Variants in MYO3B observed in about 807,000 individuals in gnomAD.
MYO3B encodes the protein myosin-IIIb.
A neutral mutation model predicts 174.6 loss-of-function variants in MYO3B; 156 were observed. The observed-to-expected ratio is 0.89, with a 90% CI of 0.78 to 1.02. The LOEUF is 1.02. MYO3B is among the 50% of genes least tolerant of loss of function. MYO3B has a pLI of 0.00. For missense variants in MYO3B, 1,632 were observed against 1,639.4 expected (o/e 1.00, Z 0.08); for synonymous variants, 563 against 569.1 (o/e 0.99, Z 0.15).
intron 8 of MYO3B, among the ~76,000 whole-genome samples, chr2:170,357,150 T>C (rs2094128059): frequency 6.6e-6 from 1 of 151,696 alleles, no homozygotes; most frequent in South Asian, 2.1e-4. Context: ...CTACTAAAAA[T>C]ACAAAAATTA....
chr2:170,371,195 G>T, intron 9 of MYO3B, among the ~76,000 whole-genome samples: 1 of 146,682 alleles, frequency 6.8e-6, no homozygotes, highest in African/African-American at 2.5e-5. Flanking sequence ...TCCAGCCTGG[G>T]CGACAGAGCA....
At chr2:170,396,605 G>A (rs1284732234) in intron 16 of MYO3B, among the ~76,000 whole-genome samples, 2 of 152,184 alleles carry the variant, frequency 1.3e-5, no homozygotes, top group Non-Finnish European at 2.9e-5. Flanking sequence ...CACAGTGTTT[G>A]AACCTAAAAG....
chr2:170,414,813 G>A (rs1385675022), intron 22 of MYO3B, among the ~76,000 whole-genome samples: 1 of 152,138 alleles, frequency 6.6e-6, no homozygotes, highest in Non-Finnish European at 1.5e-5. Context: ...GATGTATAAT[G>A]AAGTATTTCA....
chr2:170,282,818 G>C (rs1316420885), intron 7 of MYO3B, among the ~76,000 whole-genome samples: 5 of 152,164 alleles, frequency 3.3e-5, no homozygotes, highest in African/African-American at 1.2e-4. Context: ...CAAACACAGA[G>C]CTGTTGAGGG....
chr2:170,483,536 G>A lies in MYO3B; in HGVS notation c.3015-15056G>A, dbSNP rs1320916587. 2.3e-5 allele frequency among the ~76,000 whole-genome samples: 3 copies of A among 132,702 alleles called. 1 individual carries two copies. The highest frequency in any genetic ancestry group is 7.8e-5 in the African/African-American group (2 of 25,676). 87.1% of individuals were successfully genotyped at this position (132,702 alleles called of 152,430 possible). ...CGAATAGCTGGGACTACAGGCGCCC[G>A]CTACCACGCCCGGCTAATTTTTTGT... is the stretch of plus-strand genomic sequence containing the variant. On this transcript the variant is annotated intron_variant, in intron 25 of 34. Coordinates refer to ENST00000408978, the MANE Select transcript of MYO3B (RefSeq NM_138995.5).
intron 7 of MYO3B, among the ~76,000 whole-genome samples, chr2:170,317,753 G>C (rs113207684): frequency 6.6e-6 from 1 of 152,174 alleles, no homozygotes. Flanking sequence ...TCAAAATTCT[G>C]TGGGAATTTA....
At chr2:170,318,204 T>TAG (rs2093789376) in intron 7 of MYO3B, among the ~76,000 whole-genome samples, 1 of 152,094 alleles carries the variant, frequency 6.6e-6, no homozygotes. Context: ...GTTTGGAGAG[T>TAG]AGAGAGAGAG....
At chr2:170,310,665 C>CAAAAAAAAAA (rs746315736) in intron 7 of MYO3B, among the ~76,000 whole-genome samples, 21 of 61,416 alleles carry the variant, frequency 3.4e-4, no homozygotes, top group East Asian at 5.9e-4. Flanking sequence ...GACTCCATCT[C>CAAAAAAAAAA]AAAAAAAAAA....
chr2:170,422,957 C>T (rs1472083064), intron 22 of MYO3B, among the ~76,000 whole-genome samples: 1 of 148,646 alleles, frequency 6.7e-6, no homozygotes, highest in Non-Finnish European at 1.5e-5. Context: ...TCTATTTAGA[C>T]CAACCATATT....
intron 24 of MYO3B, among the ~76,000 whole-genome samples, chr2:170,466,283 T>C (rs568571069): frequency 3.9e-5 from 6 of 152,332 alleles, no homozygotes; most frequent in African/African-American, 7.2e-5. Context: ...GTTTCTGCCA[T>C]ATGGGATATT....
intron 32 of MYO3B, among the ~76,000 whole-genome samples, chr2:170,580,477 A>G (rs1015229009): frequency 6.6e-6 from 1 of 152,150 alleles, no homozygotes; most frequent in Non-Finnish European, 1.5e-5. Context: ...GTCTCTACTA[A>G]AAATACAAAA....
chr2:170,507,364 C>G (rs539542115), intron 28 of MYO3B, among the ~76,000 whole-genome samples: 4 of 152,048 alleles, frequency 2.6e-5, no homozygotes, highest in Non-Finnish European at 5.9e-5. Flanking sequence ...CCCTAGCTCT[C>G]CCATACTTGA....
chr2:170,189,013 G>A (rs2092506197), intron 1 of MYO3B, among the ~76,000 whole-genome samples: 1 of 152,066 alleles, frequency 6.6e-6, no homozygotes, highest in Non-Finnish European at 1.5e-5. Context: ...ACTCCCTTTA[G>A]CATTTATTGG....
intron 7 of MYO3B, among the ~76,000 whole-genome samples, chr2:170,298,314 G>T (rs2093641136): frequency 6.6e-6 from 1 of 152,064 alleles, no homozygotes; most frequent in African/African-American, 2.4e-5. Context: ...GGTTCTAGCT[G>T]GCAGGAAGTG....
chr2:170,525,957 G>A (rs998926593), intron 30 of MYO3B, among the ~76,000 whole-genome samples: 1 of 152,178 alleles, frequency 6.6e-6, no homozygotes, highest in Non-Finnish European at 1.5e-5. Context: ...TCAAGTTAGT[G>A]CACTAACACG....
chr2:170,385,901 A>G (rs2094370628), intron 12 of MYO3B: 1 of 204,258 alleles, frequency 4.9e-6, no homozygotes, highest in Non-Finnish European at 9.8e-6. Context: ...TAAAAATATA[A>G]TGACTTAAGT....
chr2:170,283,995 C>T (rs2093534769), intron 7 of MYO3B, among the ~76,000 whole-genome samples: 1 of 152,186 alleles, frequency 6.6e-6, no homozygotes, highest in Non-Finnish European at 1.5e-5. Flanking sequence ...CTGAGCAGCT[C>T]TTATGAATTC....
At chr2:170,586,087 G>T (rs963934667) in intron 32 of MYO3B, among the ~76,000 whole-genome samples, 2 of 152,198 alleles carry the variant, frequency 1.3e-5, no homozygotes, top group African/African-American at 4.8e-5. Context: ...AGGTTTTATT[G>T]TCCTCAGTTA....
intron 22 of MYO3B, among the ~76,000 whole-genome samples, chr2:170,428,800 C>A (rs147719677): frequency 5.3e-5 from 8 of 152,330 alleles, no homozygotes; most frequent in African/African-American, 1.9e-4. Context: ...CCATGACACA[C>A]AAGTGCAGAA....
Sources: allele counts gnomAD v4.1 joint callset (sites outside exome capture counted in the v4.1 genomes callset), GRCh38; gene constraint gnomAD v4.1.1; transcripts MANE v1.5; gene names NCBI Gene and HGNC (gene_info 2026-07-23, HGNC 2026-07-21).